CSRNP3: variants seen among roughly 807,000 people sequenced by gnomAD.
The protein encoded by CSRNP3 is cysteine and serine rich nuclear protein 3.
Under a neutral mutation model 48.0 loss-of-function variants are expected in CSRNP3, and 12 were observed. The ratio of observed to expected loss-of-function variants is 0.25; its 90% CI spans 0.16 to 0.41. CSRNP3 has a LOEUF of 0.41. Among genes scored for constraint, CSRNP3 ranks in the 10% least tolerant of loss-of-function variants. The pLI is 1.00. For missense variants in CSRNP3, 580 were observed against 724.4 expected, an observed-to-expected ratio of 0.80 and a Z score of 2.29; for synonymous variants, 263 against 269.7, an observed-to-expected ratio of 0.98 and a Z score of 0.24.
chr2:165,646,101 A>G (rs1840252), intron 4 of CSRNP3, among the ~76,000 whole-genome samples: 152,307 of 152,316 alleles, frequency 1, 76,149 homozygotes, highest in Non-Finnish European at 1. Flanking sequence ...AAACAGCATA[A>G]ATTAAATTCC....
chr2:165,519,232 T>C (rs1270885305), intron 3 of CSRNP3, among the ~76,000 whole-genome samples: 4 of 152,094 alleles, frequency 2.6e-5, no homozygotes, highest in Admixed American at 6.6e-5. Context: ...AATATAGTTG[T>C]GCAATCACCT....
intron 3 of CSRNP3, among the ~76,000 whole-genome samples, chr2:165,531,800 A>T (rs1463269654): frequency 6.6e-6 from 1 of 152,146 alleles, no homozygotes; most frequent in African/African-American, 2.4e-5. Flanking sequence ...AACAAAATTG[A>T]TACACCGCTA....
chr2:165,643,639 A>C (rs1202444133), intron 4 of CSRNP3, among the ~76,000 whole-genome samples: 1 of 152,188 alleles, frequency 6.6e-6, no homozygotes, highest in Non-Finnish European at 1.5e-5. Flanking sequence ...AGACATGCCA[A>C]AACCCTGCCC....
intron 5 of CSRNP3, 95 bp downstream of exon 5, chr2:165,658,115 G>C: frequency 7.3e-7 from 1 of 1,370,982 alleles, no homozygotes; most frequent in African/African-American, 1.5e-5. Flanking sequence ...AAACAAACTG[G>C]GCACTTTACA....
At chr2:165,518,297 T>C (rs1242657036) in intron 3 of CSRNP3, among the ~76,000 whole-genome samples, 1 of 151,998 alleles carries the variant, frequency 6.6e-6, no homozygotes, top group East Asian at 1.9e-4. Context: ...AGTGACTTTT[T>C]CATTTCTTTT....
intron 4 of CSRNP3, among the ~76,000 whole-genome samples, chr2:165,646,389 A>G (rs904030979): frequency 6.6e-6 from 1 of 152,086 alleles, no homozygotes; most frequent in African/African-American, 2.4e-5. Context: ...CTGGATTATC[A>G]TGATATATTA....
At chr2:165,659,276 C>T (rs979503991) in intron 5 of CSRNP3, among the ~76,000 whole-genome samples, 2 of 151,836 alleles carry the variant, frequency 1.3e-5, no homozygotes, top group Admixed American at 6.6e-5. Flanking sequence ...GTAGGGGAGT[C>T]GGAGAGAGAT....
intron 1 of CSRNP3, among the ~76,000 whole-genome samples, chr2:165,492,249 AT>A (rs1448698061): frequency 2.0e-5 from 3 of 152,184 alleles, no homozygotes; most frequent in Non-Finnish European, 4.4e-5. Context: ...TAGCAAGCTA[AT>A]GAGTTGTCCC....
rs374458758 is a variant in CSRNP3, at chr2:165,515,456, C to A, written c.-112-2417C>A. ...CTTTTATTTATTTGGCTGTCAAATA[C>A]AATTATGTTTTTGAATTTCAACTTT... is the stretch of plus-strand genomic sequence containing the variant. On this transcript the variant is annotated intron_variant, in intron 2 of 6. Transcript: ENST00000651982. 4.6e-4 allele frequency among the ~76,000 whole-genome samples: 69 copies of A among 151,490 alleles called. No individual in the cohort carries two copies. In the East Asian group the frequency reaches 0.013, roughly 28 times the overall value.
At chr2:165,612,700 T>A (rs1018682695) in intron 4 of CSRNP3, among the ~76,000 whole-genome samples, 1 of 151,852 alleles carries the variant, frequency 6.6e-6, no homozygotes, top group African/African-American at 2.4e-5. Context: ...TGTGTCTGAC[T>A]TATTTTATTT....
At chr2:165,667,099 A>AAAGGAAGG (rs775694405) in intron 5 of CSRNP3, among the ~76,000 whole-genome samples, 1 of 14,346 alleles carries the variant, frequency 7.0e-5, no homozygotes, top group Admixed American at 8.9e-4. Context: ...GAGAGAGAGA[A>AAAGGAAGG]AAGGAAGGAA....
At chr2:165,622,976 C>T (rs536648946) in intron 4 of CSRNP3, among the ~76,000 whole-genome samples, 142 of 152,302 alleles carry the variant, frequency 9.3e-4, no homozygotes, top group African/African-American at 3.3e-3. Context: ...CTGTATGAGG[C>T]GTCTCCATAC....
At chr2:165,548,907 T>G (rs921778948) in intron 3 of CSRNP3, among the ~76,000 whole-genome samples, 3 of 152,130 alleles carry the variant, frequency 2.0e-5, no homozygotes, top group Middle Eastern at 3.4e-3. Context: ...TTTAGGAATT[T>G]CTATTCTAGT....
intron 3 of CSRNP3, among the ~76,000 whole-genome samples, chr2:165,564,314 T>C (rs1685271406): frequency 9.3e-6 from 1 of 107,728 alleles, no homozygotes; most frequent in Admixed American, 8.9e-5. Flanking sequence ...CAATATTCTG[T>C]TAAAAAAATG....
At position 165,679,912 on chromosome 2, in the gene CSRNP3, C is replaced by CA; in HGVS notation, c.*159_*160insA. The CA allele has an allele frequency of 1.3e-5, 12 of 956,188 alleles. No homozygotes were observed. The highest frequency in any genetic ancestry group is 1.9e-5 in the Non-Finnish European group (12 of 643,566). The allele number at this position is 956,188 out of a possible 1,614,324, so 59.2% of individuals were successfully genotyped here. ...TGTTTTTTCCTTTCTAGCCACATGA[C>CA]TGTGGCATTGCACAAATACAGTCTC... On this transcript the variant is annotated 3_prime_UTR_variant, in exon 7 of 7. Coordinates refer to ENST00000651982, the MANE Select transcript of CSRNP3 (RefSeq NM_001172173.2).
Position 165,585,958 on chromosome 2 carries a change from C to T in CSRNP3, c.-23-9085C>T, listed in dbSNP as rs573354774. ...CCTATTGTTCCTGATAGAATACCCC[C>T]TAAGGCTCATGCACTACACAGTGTG... On this transcript the variant is annotated intron_variant, in intron 3 of 6. Transcript: ENST00000651982. Among the ~76,000 whole-genome samples the T allele has an allele frequency of 3.0e-4, 45 of 152,248 alleles. 1 individual carries two copies. Among genetic ancestry groups the T allele is most frequent in the African/African-American group, 1.0e-3 (43 of 41,546 alleles).
chr2:165,500,440 CGT>C (rs996460669), intron 2 of CSRNP3, among the ~76,000 whole-genome samples: 2 of 112,216 alleles, frequency 1.8e-5, no homozygotes, highest in African/African-American at 8.5e-5. Context: ...CACACACACA[CGT>C]GTATATATAT....
At position 165,582,874 on chromosome 2, in the gene CSRNP3, A is replaced by G. The variant is rs559058912; in HGVS notation, c.-23-12169A>G. On this transcript the variant is annotated intron_variant, in intron 3 of 6. Coordinates refer to ENST00000651982, the MANE Select transcript of CSRNP3 (RefSeq NM_001172173.2). ...TGATCTACCGCATATAAAGTAACTC[A>G]GTCCTTTAATTCAAGGTCACAAACA... 4.6e-5 allele frequency among the ~76,000 whole-genome samples: 7 copies of G among 152,366 alleles called. No homozygotes were observed. In the East Asian group the frequency reaches 1.3e-3, roughly 29 times the overall value.
intron 2 of CSRNP3, among the ~76,000 whole-genome samples, chr2:165,511,689 G>A (rs1684508005): frequency 6.6e-6 from 1 of 152,112 alleles, no homozygotes; most frequent in African/African-American, 2.4e-5. Context: ...ATGTGGGATG[G>A]TTGAAGAGGC....
Sources: gnomAD v4.1 joint callset for allele counts (sites outside exome capture counted in the v4.1 genomes callset) on GRCh38, gnomAD v4.1.1 for gene constraint, MANE v1.5 for transcripts, NCBI Gene and HGNC (gene_info 2026-07-23, HGNC 2026-07-21) for gene names.